Variants in MYO16 observed in about 807,000 individuals in gnomAD.
MYO16 encodes unconventional myosin-XVI.
MYO16 carries 94 observed loss-of-function variants against 205.3 expected under a neutral mutation model. That is an observed-to-expected ratio of 0.46 (90% CI 0.39 to 0.54). MYO16 has a LOEUF of 0.54. Among genes scored for constraint, MYO16 ranks in the 20% least tolerant of loss-of-function variants. The pLI is 0.00. For missense variants in MYO16, 2,315 were observed against 2,387.5 expected (o/e 0.97, Z 0.63); for synonymous variants, 988 against 954.0 (o/e 1.04, Z -0.66).
At chr13:108,532,529 C>T in the MYO16 span, among the ~76,000 whole-genome samples, 1 of 151,714 alleles carries the variant, frequency 6.6e-6, no homozygotes, top group Non-Finnish European at 1.5e-5. Context: ...TGTCATGGCT[C>T]ATGCCTGTAA....
At chr13:108,925,323 C>A (rs1487199599) in intron 16 of MYO16, among the ~76,000 whole-genome samples, 2 of 152,170 alleles carry the variant, frequency 1.3e-5, no homozygotes, top group Non-Finnish European at 2.9e-5. Flanking sequence ...TTAAACCGAG[C>A]TCCGCCACTC....
intron 34 of MYO16, among the ~76,000 whole-genome samples, chr13:109,188,880 G>C (rs1879795236): frequency 6.6e-6 from 1 of 152,116 alleles, no homozygotes; most frequent in Admixed American, 6.5e-5. Flanking sequence ...GATCACCTGA[G>C]GTCAGGAGTT....
intron 7 of MYO16, among the ~76,000 whole-genome samples, chr13:108,811,279 T>C (rs1411266640): frequency 6.6e-6 from 1 of 152,188 alleles, no homozygotes; most frequent in Non-Finnish European, 1.5e-5. Context: ...AATTTTTTTG[T>C]GATTTATTTC....
intron 27 of MYO16, among the ~76,000 whole-genome samples, chr13:109,090,411 T>C (rs1223383261): frequency 1.3e-5 from 2 of 152,176 alleles, no homozygotes; most frequent in Non-Finnish European, 2.9e-5. Context: ...GTGAGCTCTA[T>C]GGCTGTGCGT....
chr13:108,496,161 G>A, the MYO16 span, among the ~76,000 whole-genome samples: 1 of 152,286 alleles, frequency 6.6e-6, no homozygotes, highest in East Asian at 1.9e-4. Flanking sequence ...TCCCTTCCTG[G>A]GAAAGGAATC....
At chr13:108,595,705 T>C (rs1347755100), upstream of MYO16, among the ~76,000 whole-genome samples, 1 of 152,072 alleles carries the variant, frequency 6.6e-6, no homozygotes, top group Non-Finnish European at 1.5e-5. Context: ...ATAACGCTGC[T>C]GATCTTCACG....
intron 13 of MYO16, among the ~76,000 whole-genome samples, chr13:108,885,372 G>T (rs1331987128): frequency 6.6e-6 from 1 of 151,862 alleles, no homozygotes; most frequent in South Asian, 2.1e-4. Context: ...CACCTGCCTC[G>T]GCCTGCCAAA....
At chr13:108,994,030 G>A (rs1015467326) in intron 21 of MYO16, among the ~76,000 whole-genome samples, 1 of 152,100 alleles carries the variant, frequency 6.6e-6, no homozygotes, top group Non-Finnish European at 1.5e-5. Flanking sequence ...TGTCAATAGA[G>A]TGTCCTAATG....
intron 2 of MYO16, among the ~76,000 whole-genome samples, chr13:108,691,087 A>G (rs1473275971): frequency 1.3e-5 from 2 of 152,192 alleles, no homozygotes; most frequent in African/African-American, 4.8e-5. Flanking sequence ...GGGCTTTTCA[A>G]TTTGCTCTTT....
chr13:108,844,314 A>T, intron 9 of MYO16, 29 bp from the exon 10 acceptor site: 4 of 1,584,926 alleles, frequency 2.5e-6, no homozygotes, highest in Non-Finnish European at 3.4e-6. Context: ...GAAAGAGACT[A>T]ATTGTAGTAT....
intron 14 of MYO16, 123 bp from the exon 15 acceptor site, chr13:108,897,893 A>C: frequency 1.3e-6 from 1 of 776,384 alleles, no homozygotes; most frequent in South Asian, 1.7e-5. Context: ...TCAATATAGC[A>C]TTCTATGAGC....
intron 1 of MYO16, among the ~76,000 whole-genome samples, chr13:108,646,778 G>T (rs1231480700): frequency 6.6e-6 from 1 of 151,964 alleles, no homozygotes; most frequent in African/African-American, 2.4e-5. Flanking sequence ...ATAATTAAAT[G>T]CACCCCTTTG....
At chr13:108,516,440 G>A in the MYO16 span, among the ~76,000 whole-genome samples, 20 of 152,208 alleles carry the variant, frequency 1.3e-4, no homozygotes, top group Admixed American at 3.9e-4. Flanking sequence ...CGTCTTCTGC[G>A]TCGCTCACGC....
At chr13:109,057,005 A>G (rs1887437648) in intron 27 of MYO16, among the ~76,000 whole-genome samples, 1 of 152,184 alleles carries the variant, frequency 6.6e-6, no homozygotes, top group Admixed American at 6.6e-5. Context: ...TTTGTTGACT[A>G]GTTCAATGTG....
At chr13:109,054,036 G>A (rs1231675617) in intron 25 of MYO16, among the ~76,000 whole-genome samples, 1 of 152,018 alleles carries the variant, frequency 6.6e-6, no homozygotes, top group Non-Finnish European at 1.5e-5. Flanking sequence ...TAAGAAAAAC[G>A]ATTTTAGATC....
intron 1 of MYO16, among the ~76,000 whole-genome samples, chr13:108,663,036 G>A (rs1881572067): frequency 6.6e-6 from 1 of 152,194 alleles, no homozygotes; most frequent in African/African-American, 2.4e-5. Context: ...TCCAGTGGGG[G>A]TGTGTGTCTG....
chr13:108,517,458 A>T, the MYO16 span, among the ~76,000 whole-genome samples: 2 of 152,206 alleles, frequency 1.3e-5, no homozygotes, highest in African/African-American at 2.4e-5. Context: ...GTGAATTCAA[A>T]ATATCAATGG....
chr13:108,777,389 T>G (rs900162512), intron 4 of MYO16, among the ~76,000 whole-genome samples: 10 of 152,144 alleles, frequency 6.6e-5, no homozygotes, highest in Non-Finnish European at 1.3e-4. Flanking sequence ...TGCTGAAAAC[T>G]AACAGAACAA....
intron 34 of MYO16, among the ~76,000 whole-genome samples, chr13:109,182,583 C>A (rs1045413912): frequency 6.6e-6 from 1 of 152,164 alleles, no homozygotes; most frequent in Non-Finnish European, 1.5e-5. Flanking sequence ...GGTTAGTTTT[C>A]TTTGCTTAGA....
Sources: allele counts gnomAD v4.1 joint callset (sites outside exome capture counted in the v4.1 genomes callset), GRCh38; gene constraint gnomAD v4.1.1; transcripts MANE v1.5; gene names NCBI Gene and HGNC (gene_info 2026-07-23, HGNC 2026-07-21).